MAP3K19: variants seen among roughly 807,000 people sequenced by gnomAD.
The protein encoded by MAP3K19 is SPS1/STE20-related protein kinase YSK4.
MAP3K19 carries 91 observed loss-of-function variants against 114.4 expected under a neutral mutation model. The ratio of observed to expected loss-of-function variants is 0.80; its 90% CI spans 0.67 to 0.95. The LOEUF is 0.95. Among genes scored for constraint, MAP3K19 ranks in the 40% least tolerant of loss-of-function variants. The probability of loss-of-function intolerance (pLI) is 0.00; values close to 1 mark genes in which losing one functional copy is unlikely to be tolerated. For synonymous variants in MAP3K19, 518 were observed against 530.5 expected, an observed-to-expected ratio of 0.98 and a Z score of 0.32; for missense variants, 1,471 against 1,573.2, an observed-to-expected ratio of 0.94 and a Z score of 1.10.
In MAP3K19 at chr2:134,980,860, G is replaced by A. The variant is rs930187606; in HGVS notation, c.3881C>T (p.Ser1294Leu). Residue 1294 changes from serine (S) to leucine (L), a missense_variant, in exon 12 of 13, where the codon TCA (serine) becomes TTA (leucine). Physicochemically the swap from Ser to Leu is moderately radical, Grantham distance 145 (BLOSUM62 -2). Transcript: ENST00000392915. Reference protein sequence around the residue: ...GLMPPLPDHFSENAADFVRMC... With the variant: ...GLMPPLPDHFLENAADFVRMC... ...GCGCACAAAGTCTGCTGCATTTTCT[G>A]AGAAGTGGTCTGGTAAAGGAGGCAT... 2 of 1,614,022 alleles carry A rather than the reference G, an allele frequency of 1.2e-6. No homozygotes were observed. Among genetic ancestry groups the A allele is most frequent in the Admixed American group, 3.3e-5 (2 of 60,002 alleles).
intron 1 of MAP3K19, among the ~76,000 whole-genome samples, chr2:135,045,224 A>C (rs1688717353): frequency 6.6e-6 from 1 of 152,226 alleles, no homozygotes; most frequent in Non-Finnish European, 1.5e-5. Context: ...AAGCTCTTTT[A>C]AGAGAAGCAG....
chr2:134,992,789 C>T (rs1278759407), intron 8 of MAP3K19, among the ~76,000 whole-genome samples: 3 of 152,112 alleles, frequency 2.0e-5, no homozygotes, highest in African/African-American at 7.2e-5. Flanking sequence ...CCTGCCTCAG[C>T]CTCCCGAGAA....
rs1019998993 is a variant in MAP3K19 at position 134,999,777 on chromosome 2, G to A, written c.314+160C>T. On this transcript the variant is annotated intron_variant, in intron 7 of 12. Coordinates refer to ENST00000392915, the MANE Select transcript of MAP3K19 (RefSeq NM_025052.5). This position sits in a 1 kb window ranked among gnomAD's most constrained non-coding sequence, Gnocchi z 4.1. ...CAACAGAGACCATATGGCCCACACA[G>A]CCAAAGTGTTTATGATCTGGCCTCT... Among the ~76,000 whole-genome samples, 4 of 152,292 alleles carry A rather than the reference G, an allele frequency of 2.6e-5. No homozygotes were observed. Among genetic ancestry groups the A allele is most frequent in the African/African-American group, 7.2e-5 (3 of 41,546 alleles).
chr2:135,000,928 C>T (rs1686393335), intron 6 of MAP3K19, among the ~76,000 whole-genome samples: 1 of 152,154 alleles, frequency 6.6e-6, no homozygotes, highest in African/African-American at 2.4e-5. Context: ...AGGTGTGAAT[C>T]AGACATCCCT....
intron 5 of MAP3K19, among the ~76,000 whole-genome samples, chr2:135,019,486 T>G (rs2105362572): frequency 6.6e-6 from 1 of 152,164 alleles, no homozygotes; most frequent in Non-Finnish European, 1.5e-5. Context: ...GGCTAGGAGT[T>G]CAAAAAATTT....
rs2105233570 is a variant in MAP3K19, at chr2:134,987,268, C to T, written c.1604G>A (p.Arg535Lys). The T allele has an allele frequency of 1.2e-6, 2 of 1,614,102 alleles. No individual in the cohort carries two copies. Among genetic ancestry groups the T allele is most frequent in the Non-Finnish European group, 1.7e-6 (2 of 1,180,038 alleles). Residue 535 changes from arginine (R) to lysine (K), a missense_variant, in exon 10 of 13, where the codon AGG becomes AAG. Coordinates refer to ENST00000392915, the MANE Select transcript of MAP3K19 (RefSeq NM_025052.5). ...ENDKHKMNSH[R>K]SKLDSKTKTS... ...CTTGGTCTTTGAATCCAACTTACTC[C>T]TATGGGAATTCATCTTATGCTTGTC...
At chr2:135,023,785 G>C in intron 4 of MAP3K19, 1 of 312,910 alleles carries the variant, frequency 3.2e-6, no homozygotes, top group Non-Finnish European at 6.3e-6. Flanking sequence ...TTTCTTAATA[G>C]AGATCCCTGC....
chr2:134,990,031 G>C (rs1040904898), intron 9 of MAP3K19, among the ~76,000 whole-genome samples: 1 of 151,792 alleles, frequency 6.6e-6, no homozygotes, highest in Non-Finnish European at 1.5e-5. Context: ...GCAGTGAGCC[G>C]AGATTGTGCC....
At chr2:135,031,904 C>A (rs1688389542) in intron 2 of MAP3K19, among the ~76,000 whole-genome samples, 1 of 152,166 alleles carries the variant, frequency 6.6e-6, no homozygotes, top group Non-Finnish European at 1.5e-5. Context: ...ACTGCCACGG[C>A]AGACCAGGCC....
chr2:134,997,850 T>C (rs1295688068), intron 8 of MAP3K19, among the ~76,000 whole-genome samples: 1 of 142,896 alleles, frequency 7.0e-6, no homozygotes, highest in African/African-American at 2.5e-5. Context: ...CTGCTTCATT[T>C]AAATTTCACT....
In MAP3K19 at chr2:135,003,836, G is replaced by C. The variant is rs557888061; in HGVS notation, c.235+1599C>G. Among the ~76,000 whole-genome samples the C allele has an allele frequency of 3.9e-5, 6 of 152,316 alleles. No homozygotes were observed. The South Asian group carries it at 1.2e-3, about 32-fold the overall frequency. On this transcript the variant is annotated intron_variant, in intron 6 of 12. Transcript: ENST00000392915. ...CCCAAAGTGCTGGGATTACAGGCGT[G>C]AGCCACAGTGCCCGGTCCATTTAAA... is the stretch of plus-strand genomic sequence containing the variant.
Position 134,987,914 on chromosome 2 carries a change from C to T in MAP3K19, c.958G>A (p.Glu320Lys). The change falls in exon 10 of 13, where the codon GAA (glutamate) becomes AAA (lysine). Residue 320 changes from glutamate to lysine, a missense_variant. Coordinates refer to ENST00000392915, the MANE Select transcript of MAP3K19 (RefSeq NM_025052.5). Reference protein sequence around the residue: ...SKEIEECNKIEITHFEKGQSL... With the variant: ...SKEIEECNKIKITHFEKGQSL... ...TGCCCTTTTTCAAAGTGAGTGATTT[C>T]AATTTTGTTACATTCTTCTATTTCC... is the stretch of plus-strand genomic sequence containing the variant. The T allele has an allele frequency of 6.2e-7, 1 of 1,614,136 alleles. No individual in the cohort carries two copies. The highest frequency in any genetic ancestry group is 8.5e-7 in the Non-Finnish European group (1 of 1,180,032).
intron 12 of MAP3K19, among the ~76,000 whole-genome samples, chr2:134,968,044 A>T (rs1234205981): frequency 6.6e-6 from 1 of 152,060 alleles, no homozygotes; most frequent in Non-Finnish European, 1.5e-5. Context: ...ACTTGAGATT[A>T]GGGAATGGTG....
chr2:135,024,975 A>G (rs752620571), intron 3 of MAP3K19, among the ~76,000 whole-genome samples: 7 of 152,202 alleles, frequency 4.6e-5, no homozygotes, highest in Admixed American at 3.3e-4. Flanking sequence ...AAACATTCTG[A>G]GGTTTGCAGA....
At chr2:134,983,328 G>C (rs962088065) in intron 11 of MAP3K19, 2 of 559,356 alleles carry the variant, frequency 3.6e-6, no homozygotes, top group African/African-American at 3.8e-5. Flanking sequence ...CATTGGACTT[G>C]AACCTGGGAG....
At chr2:135,005,181 G>C (rs1451398929) in intron 6 of MAP3K19, among the ~76,000 whole-genome samples, 2 of 152,080 alleles carry the variant, frequency 1.3e-5, no homozygotes, top group Non-Finnish European at 2.9e-5. Context: ...AAGCTCAGGG[G>C]TACAAGTGCA....
At chr2:135,011,951 T>C (rs1484562785) in intron 5 of MAP3K19, among the ~76,000 whole-genome samples, 1 of 152,220 alleles carries the variant, frequency 6.6e-6, no homozygotes, top group Non-Finnish European at 1.5e-5. Context: ...AGTGATATAG[T>C]TAGTCCTTTT....
At position 134,999,866 on chromosome 2, in the gene MAP3K19, G is replaced by A; in HGVS notation, c.314+71C>T. The A allele has an allele frequency of 2.1e-6, 2 of 968,746 alleles. No individual in the cohort carries two copies. The highest frequency in any genetic ancestry group is 3.3e-6 in the Non-Finnish European group (2 of 597,332). The allele number at this position is 968,746 out of a possible 1,614,324, so 60.0% of individuals were successfully genotyped here. ...TATTATGGATTCAATTACTAATAAT[G>A]TAGGTTGCCATATGACTATCATTGC... On this transcript the variant is annotated intron_variant, in intron 7 of 12. Coordinates refer to ENST00000392915, the MANE Select transcript of MAP3K19 (RefSeq NM_025052.5). The surrounding 1 kb of genome is among the most constrained non-coding windows in gnomAD (Gnocchi z 4.1).
At chr2:134,977,646 G>A (rs551004349) in intron 12 of MAP3K19, among the ~76,000 whole-genome samples, 1 of 152,018 alleles carries the variant, frequency 6.6e-6, no homozygotes. Flanking sequence ...ACTGGCGTGA[G>A]CCACCGCGCC....
Sources: allele counts gnomAD v4.1 joint callset (sites outside exome capture counted in the v4.1 genomes callset), GRCh38; gene constraint gnomAD v4.1.1; non-coding constraint Gnocchi (gnomAD v3.1); transcripts MANE v1.5; gene names NCBI Gene and HGNC (gene_info 2026-07-23, HGNC 2026-07-21).